Variants in COL25A1 observed in about 807,000 individuals in gnomAD.
COL25A1 encodes the protein collagen type XXV alpha 1 chain.
Under a neutral mutation model 128.4 loss-of-function variants are expected in COL25A1, and 103 were observed. The observed-to-expected ratio is 0.80, with a 90% CI of 0.68 to 0.94. COL25A1 has a LOEUF of 0.94. COL25A1 is among the 40% of genes least tolerant of loss of function. The pLI is 0.00. For missense variants in COL25A1, 745 were observed against 840.0 expected (o/e 0.89, Z 1.40); for synonymous variants, 279 against 277.2 (o/e 1.01, Z -0.06).
intron 3 of COL25A1, among the ~76,000 whole-genome samples, chr4:109,135,286 A>G (rs1769620291): frequency 6.6e-6 from 1 of 152,090 alleles, no homozygotes; most frequent in East Asian, 1.9e-4. Context: ...GTGAAAAGAA[A>G]CTACTCTTTG....
chr4:108,858,243 T>A (rs1736751823), intron 24 of COL25A1, among the ~76,000 whole-genome samples: 1 of 152,050 alleles, frequency 6.6e-6, no homozygotes, highest in Non-Finnish European at 1.5e-5. Flanking sequence ...GCCATGATCA[T>A]TTATAAAAAT....
At chr4:109,278,323 C>T (rs1379900711) in intron 3 of COL25A1, among the ~76,000 whole-genome samples, 1 of 152,134 alleles carries the variant, frequency 6.6e-6, no homozygotes, top group Non-Finnish European at 1.5e-5. Flanking sequence ...CTTTGTCTGG[C>T]ATTCATATTT....
intron 13 of COL25A1, among the ~76,000 whole-genome samples, chr4:108,914,222 G>A (rs962735349): frequency 6.6e-6 from 1 of 152,090 alleles, no homozygotes. Context: ...GGGGATGGGG[G>A]ACTTTTTGTG....
At position 109,052,909 on chromosome 4, in the gene COL25A1, T is replaced by C. The variant is rs374812583; in HGVS notation, c.368-2730A>G. ...TGAGTGATGAATTGTCAGCCAGGCATGAGCTGTATGAACACATACAGAAGC... is the reference window on the plus strand; with the variant it reads ...TGAGTGATGAATTGTCAGCCAGGCACGAGCTGTATGAACACATACAGAAGC... On this transcript the variant is annotated intron_variant, in intron 3 of 37. Transcript: ENST00000399132. Among the ~76,000 whole-genome samples, 9 of 152,294 alleles carry C rather than the reference T, an allele frequency of 5.9e-5. No individual in the cohort carries two copies. In the East Asian group the frequency reaches 1.7e-3, roughly 29 times the overall value.
chr4:108,816,086 TGAA>T (rs773674158), intron 37 of COL25A1, among the ~76,000 whole-genome samples: 8 of 152,118 alleles, frequency 5.3e-5, no homozygotes, highest in Non-Finnish European at 1.0e-4. Context: ...TTTTCTCAGG[TGAA>T]GAAGAATTTG....
chr4:109,016,405 T>C (rs929590652), intron 5 of COL25A1, among the ~76,000 whole-genome samples: 1 of 152,138 alleles, frequency 6.6e-6, no homozygotes. Flanking sequence ...ATGGAAGACA[T>C]GTTGATGACA....
chr4:109,077,156 C>T (rs1356057974), intron 3 of COL25A1, among the ~76,000 whole-genome samples: 1 of 152,072 alleles, frequency 6.6e-6, no homozygotes, highest in Non-Finnish European at 1.5e-5. Context: ...TGATAAGTGA[C>T]CACCATGGGC....
chr4:109,224,896 C>A (rs1008722171), intron 3 of COL25A1, among the ~76,000 whole-genome samples: 6 of 152,246 alleles, frequency 3.9e-5, no homozygotes, highest in East Asian at 1.9e-4. Flanking sequence ...GCCGAGATTG[C>A]GCCATTGGAC....
chr4:108,958,638 A>T (rs1001036676), intron 8 of COL25A1, among the ~76,000 whole-genome samples: 4 of 152,060 alleles, frequency 2.6e-5, no homozygotes, highest in African/African-American at 9.7e-5. Flanking sequence ...AATTTTAAAC[A>T]TATGCAATTA....
At position 109,069,282 on chromosome 4, in the gene COL25A1, G is replaced by T. The variant is rs1762723049; in HGVS notation, c.368-19103C>A. On this transcript the variant is annotated intron_variant, in intron 3 of 37. Coordinates refer to ENST00000399132, the MANE Select transcript of COL25A1 (RefSeq NM_198721.4). ...GCTGGAGTACAGTGGCATGATCATGGCTCACTGCAGCCTCGACCTCCCTGG... is the reference window on the plus strand; with the variant it reads ...GCTGGAGTACAGTGGCATGATCATGTCTCACTGCAGCCTCGACCTCCCTGG... Among the ~76,000 whole-genome samples the T allele has an allele frequency of 2.6e-5, 4 of 151,490 alleles. 1 individual carries two copies. The South Asian group carries it at 8.4e-4, about 32-fold the overall frequency.
intron 19 of COL25A1, among the ~76,000 whole-genome samples, chr4:108,882,536 G>A (rs995865356): frequency 2.0e-5 from 3 of 151,978 alleles, no homozygotes; most frequent in Non-Finnish European, 4.4e-5. Context: ...TAAATAAATA[G>A]TTTTTAAATT....
intron 10 of COL25A1, among the ~76,000 whole-genome samples, chr4:108,939,674 C>G (rs1001114470): frequency 6.6e-6 from 1 of 151,892 alleles, no homozygotes; most frequent in African/African-American, 2.4e-5. Context: ...TTATGTACTA[C>G]AAAAATACTA....
intron 3 of COL25A1, among the ~76,000 whole-genome samples, chr4:109,158,043 GA>G (rs1253439032): frequency 6.6e-6 from 1 of 151,756 alleles, no homozygotes; most frequent in Non-Finnish European, 1.5e-5. Flanking sequence ...TTGAACTAAA[GA>G]AAAAAAAGTA....
chr4:109,154,639 C>T (rs1578306953), intron 3 of COL25A1, among the ~76,000 whole-genome samples: 2 of 152,172 alleles, frequency 1.3e-5, no homozygotes, highest in Non-Finnish European at 2.9e-5. Context: ...AATATGAAGA[C>T]ACCGCCTAAC....
chr4:108,968,163 C>T (rs563430546), intron 8 of COL25A1, among the ~76,000 whole-genome samples: 26 of 152,248 alleles, frequency 1.7e-4, no homozygotes, highest in Admixed American at 1.5e-3. Context: ...TAGAATAAAA[C>T]CAAATGATAT....
At chr4:108,977,657 G>A (rs565443926) in intron 6 of COL25A1, among the ~76,000 whole-genome samples, 20 of 152,322 alleles carry the variant, frequency 1.3e-4, no homozygotes, top group African/African-American at 4.6e-4. Context: ...TTTGTTGAAT[G>A]TCTATACAGT....
At chr4:109,247,246 T>C (rs1196617265) in intron 3 of COL25A1, among the ~76,000 whole-genome samples, 1 of 151,820 alleles carries the variant, frequency 6.6e-6, no homozygotes, top group African/African-American at 2.4e-5. Context: ...CTCAGGAAGC[T>C]GAGTGAAGCA....
At chr4:109,228,993 ATATGG>A (rs1283095110) in intron 3 of COL25A1, among the ~76,000 whole-genome samples, 7 of 152,330 alleles carry the variant, frequency 4.6e-5, no homozygotes, top group Admixed American at 3.9e-4. Flanking sequence ...TTATACAATC[ATATGG>A]TAACTTACAG....
At chr4:109,295,950 T>C in intron 3 of COL25A1, among the ~76,000 whole-genome samples, 1 of 151,920 alleles carries the variant, frequency 6.6e-6, no homozygotes, top group African/African-American at 2.4e-5. Flanking sequence ...TGACTAGCTG[T>C]GTTACATTGA....
Sources: allele counts gnomAD v4.1 joint callset (sites outside exome capture counted in the v4.1 genomes callset), GRCh38; gene constraint gnomAD v4.1.1; transcripts MANE v1.5; gene names NCBI Gene and HGNC (gene_info 2026-07-23, HGNC 2026-07-21).